STXBP5L: variants seen among roughly 807,000 people sequenced by gnomAD.
STXBP5L encodes the protein syntaxin-binding protein 5-like.
STXBP5L carries 65 observed loss-of-function variants against 144.5 expected under a neutral mutation model. The ratio of observed to expected loss-of-function variants is 0.45; its 90% CI spans 0.37 to 0.55. The LOEUF (loss-of-function observed/expected upper bound fraction) is 0.55. Among genes scored for constraint, STXBP5L ranks in the 20% least tolerant of loss-of-function variants. The pLI, the probability that STXBP5L is intolerant of heterozygous loss-of-function variation, is 0.00. For missense variants in STXBP5L, 1,298 were observed against 1,405.5 expected, an observed-to-expected ratio of 0.92 and a Z score of 1.22; for synonymous variants, 505 against 469.6, an observed-to-expected ratio of 1.08 and a Z score of -0.97.
chr3:121,280,862 G>A (rs1017764916), intron 19 of STXBP5L, among the ~76,000 whole-genome samples: 1 of 151,202 alleles, frequency 6.6e-6, no homozygotes, highest in African/African-American at 2.4e-5. Flanking sequence ...GATTTCTTGA[G>A]GCCAGTAATT....
rs80138096 is a variant in STXBP5L at position 121,073,523 on chromosome 3, G to T, written c.470+27988G>T. 3.0e-3 allele frequency among the ~76,000 whole-genome samples: 464 copies of T among 152,316 alleles called. 3 individuals are homozygous for T. Among genetic ancestry groups the T allele is most frequent in the African/African-American group, 0.01 (432 of 41,574 alleles). On this transcript the variant is annotated intron_variant, in intron 5 of 26. Coordinates refer to ENST00000471454, the MANE Select transcript of STXBP5L (RefSeq NM_001308330.2). ...GTCTAGACACTTGGAGAAATATGCCGTGGGCCAGTACCATGACCCTAGTGT... is the reference window on the plus strand; with the variant it reads ...GTCTAGACACTTGGAGAAATATGCCTTGGGCCAGTACCATGACCCTAGTGT...
At chr3:121,184,081 G>A (rs1320851512) in intron 9 of STXBP5L, among the ~76,000 whole-genome samples, 2 of 151,922 alleles carry the variant, frequency 1.3e-5, no homozygotes, top group African/African-American at 2.4e-5. Flanking sequence ...AAGGACCAAA[G>A]GTAGATAAAT....
chr3:121,236,157 CAT>C (rs1235132233), intron 12 of STXBP5L, among the ~76,000 whole-genome samples: 1 of 152,066 alleles, frequency 6.6e-6, no homozygotes, highest in Non-Finnish European at 1.5e-5. Context: ...TTATTACATC[CAT>C]AAGTCTTTAT....
chr3:121,282,380 A>G (rs932394382), intron 19 of STXBP5L: 3 of 1,568,972 alleles, frequency 1.9e-6, no homozygotes, highest in Non-Finnish European at 1.8e-6. Flanking sequence ...TTTAAGACAT[A>G]ATGCTTGAGT....
chr3:121,415,751 C>A, intron 24 of STXBP5L, 106 bp from the exon 25 acceptor site: 1 of 607,282 alleles, frequency 1.6e-6, no homozygotes, highest in Non-Finnish European at 2.7e-6. Flanking sequence ...ATATGAAAAG[C>A]AGACTGTTTT....
intron 20 of STXBP5L, among the ~76,000 whole-genome samples, chr3:121,355,248 G>A (rs576994480): frequency 6.6e-6 from 1 of 152,216 alleles, no homozygotes; most frequent in African/African-American, 2.4e-5. Flanking sequence ...TGCTAAGTTG[G>A]GGAAGTTCTC....
chr3:120,955,513 G>A (rs1937930702), intron 3 of STXBP5L, among the ~76,000 whole-genome samples: 1 of 151,904 alleles, frequency 6.6e-6, no homozygotes, highest in Non-Finnish European at 1.5e-5. Context: ...TTTCTAATAT[G>A]TGCCTATAGT....
intron 9 of STXBP5L, among the ~76,000 whole-genome samples, chr3:121,182,710 C>T (rs1201905358): frequency 6.6e-6 from 1 of 152,084 alleles, no homozygotes; most frequent in African/African-American, 2.4e-5. Context: ...AAACAAAAAG[C>T]TGGTTCTTTG....
intron 3 of STXBP5L, among the ~76,000 whole-genome samples, chr3:120,966,843 A>C (rs960422096): frequency 1.3e-5 from 2 of 152,302 alleles, no homozygotes; most frequent in African/African-American, 4.8e-5. Context: ...GCTATCAGAC[A>C]GGGGCGTTTA....
In STXBP5L at chr3:121,045,507, C is replaced by T. The variant is rs372035565; in HGVS notation, c.442C>T (p.Leu148Phe). The T allele has an allele frequency of 5.0e-6, 8 of 1,612,850 alleles. No individual in the cohort carries two copies. Among genetic ancestry groups the T allele is most frequent in the Non-Finnish European group, 5.9e-6 (7 of 1,179,364 alleles). The change falls in exon 5 of 27, where the codon CTC (leucine) becomes TTC (phenylalanine). Residue 148 changes from leucine (L) to phenylalanine (F), a missense_variant. Physicochemically the swap from Leu to Phe is conservative, Grantham distance 22 (BLOSUM62 0). Coordinates refer to ENST00000471454, the MANE Select transcript of STXBP5L (RefSeq NM_001308330.2). ...CCTTAGACAAAAAAGGCCAGCCATA[C>T]TCCATTCTCTTAAATTTAACCGGGA... ...WNLRQKRPAI[L>F]HSLKFNRERI...
chr3:121,037,585 T>C (rs1009494887), intron 3 of STXBP5L, among the ~76,000 whole-genome samples: 1 of 152,128 alleles, frequency 6.6e-6, no homozygotes, highest in African/African-American at 2.4e-5. Context: ...ATTTTTTGAA[T>C]CTATATTCAT....
chr3:121,314,580 C>G (rs1290335091), intron 19 of STXBP5L, among the ~76,000 whole-genome samples: 1 of 97,526 alleles, frequency 1.0e-5, no homozygotes. Context: ...CAGAGGGAGA[C>G]CGTGGAGGGA....
At chr3:121,396,138 C>A (rs1285944953) in intron 22 of STXBP5L, among the ~76,000 whole-genome samples, 1 of 152,238 alleles carries the variant, frequency 6.6e-6, no homozygotes, top group Non-Finnish European at 1.5e-5. Flanking sequence ...AGATGCTGTT[C>A]AGCTGCTGAT....
chr3:120,965,163 C>A (rs1023345160), intron 3 of STXBP5L, among the ~76,000 whole-genome samples: 8 of 152,036 alleles, frequency 5.3e-5, no homozygotes, highest in African/African-American at 1.9e-4. Flanking sequence ...TATTTTGAGC[C>A]TATGTGTGTC....
chr3:120,991,063 A>G (rs1350482833), intron 3 of STXBP5L, among the ~76,000 whole-genome samples: 1 of 151,972 alleles, frequency 6.6e-6, no homozygotes, highest in Non-Finnish European at 1.5e-5. Flanking sequence ...ATGGGAGAAA[A>G]TTTTTGCAAT....
At chr3:121,320,605 T>C (rs1577451890) in intron 20 of STXBP5L, among the ~76,000 whole-genome samples, 3 of 152,188 alleles carry the variant, frequency 2.0e-5, no homozygotes, top group East Asian at 3.9e-4. Flanking sequence ...CAGTTTTTGG[T>C]AGATATGCTG....
At chr3:121,135,960 C>A (rs1214974956) in intron 7 of STXBP5L, among the ~76,000 whole-genome samples, 5 of 152,110 alleles carry the variant, frequency 3.3e-5, no homozygotes, top group African/African-American at 1.2e-4. Context: ...AGGTGCCAGA[C>A]AGGAACCCAT....
At chr3:121,402,519 A>G (rs949077109) in intron 22 of STXBP5L, among the ~76,000 whole-genome samples, 2 of 151,918 alleles carry the variant, frequency 1.3e-5, no homozygotes, top group Non-Finnish European at 2.9e-5. Context: ...CTTTTCTTTC[A>G]TGCATTGTCA....
chr3:121,135,456 T>A (rs1338992383), intron 7 of STXBP5L, among the ~76,000 whole-genome samples: 1 of 151,948 alleles, frequency 6.6e-6, no homozygotes, highest in Non-Finnish European at 1.5e-5. Flanking sequence ...TCAGTGGGAG[T>A]GCTAAGCTTG....
Sources: allele counts gnomAD v4.1 joint callset (sites outside exome capture counted in the v4.1 genomes callset), GRCh38; gene constraint gnomAD v4.1.1; transcripts MANE v1.5; gene names NCBI Gene and HGNC (gene_info 2026-07-23, HGNC 2026-07-21).